PTPRD: variants seen among roughly 807,000 people sequenced by gnomAD.
PTPRD encodes protein tyrosine phosphatase receptor type D.
Under a neutral mutation model 214.5 loss-of-function variants are expected in PTPRD, and 34 were observed. The ratio of observed to expected loss-of-function variants is 0.16; its 90% CI spans 0.12 to 0.21. PTPRD has a LOEUF of 0.21. Ranked by LOEUF, PTPRD falls within the 10% of genes least tolerant of loss-of-function variation. The pLI is 1.00. For synonymous variants in PTPRD, 1,128 were observed against 845.7 expected (o/e 1.33, Z -5.79); for missense variants, 2,545 against 2,398.7 (o/e 1.06, Z -1.27).
At chr9:8,659,979 A>G (rs1218818527) in intron 12 of PTPRD, among the ~76,000 whole-genome samples, 5 of 152,244 alleles carry the variant, frequency 3.3e-5, no homozygotes, top group African/African-American at 7.2e-5. Context: ...TACCTATTAT[A>G]AGAAAAAGAA....
chr9:8,830,053 G>C (rs900082219), intron 11 of PTPRD, among the ~76,000 whole-genome samples: 2 of 152,136 alleles, frequency 1.3e-5, no homozygotes, highest in African/African-American at 4.8e-5. Flanking sequence ...AGTCTTTACT[G>C]TGTTGGAATC....
At chr9:9,720,686 T>C (rs1160732026) in intron 7 of PTPRD, among the ~76,000 whole-genome samples, 2 of 152,032 alleles carry the variant, frequency 1.3e-5, no homozygotes, top group African/African-American at 2.4e-5. Flanking sequence ...TAAACATACA[T>C]ACACAGGAGT....
chr9:8,559,629 C>T (rs576249718), intron 14 of PTPRD, among the ~76,000 whole-genome samples: 24 of 152,188 alleles, frequency 1.6e-4, no homozygotes, highest in Non-Finnish European at 3.1e-4. Context: ...CACACAGAAC[C>T]ATGCTGGCAA....
intron 5 of PTPRD, among the ~76,000 whole-genome samples, chr9:9,818,583 T>C (rs1334799346): frequency 1.3e-5 from 2 of 152,070 alleles, no homozygotes; most frequent in Non-Finnish European, 1.5e-5. Flanking sequence ...ATTGTGATTG[T>C]GATTGCCATT....
intron 2 of PTPRD, among the ~76,000 whole-genome samples, chr9:10,570,806 T>C (rs2067180729): frequency 6.6e-6 from 1 of 152,084 alleles, no homozygotes; most frequent in African/African-American, 2.4e-5. Flanking sequence ...AGGCTTCAAG[T>C]GCTCTATTGG....
intron 17 of PTPRD, among the ~76,000 whole-genome samples, chr9:8,526,318 A>C (rs987900852): frequency 6.6e-6 from 1 of 151,902 alleles, no homozygotes; most frequent in Non-Finnish European, 1.5e-5. Context: ...AAGGAAAAAA[A>C]AAGAGGGACA....
intron 7 of PTPRD, among the ~76,000 whole-genome samples, chr9:9,712,227 GACTGAGAAAGAAAATAATA>G (rs2097750770): frequency 6.6e-6 from 1 of 151,922 alleles, no homozygotes; most frequent in African/African-American, 2.4e-5. Flanking sequence ...TAGCCATCTG[GACTGAGAAAGAAAATAATA>G]ACATTTCTCA....
At chr9:10,108,318 G>A (rs973662131) in intron 3 of PTPRD, among the ~76,000 whole-genome samples, 3 of 151,970 alleles carry the variant, frequency 2.0e-5, no homozygotes, top group South Asian at 2.1e-4. Context: ...TTTTTGTAGC[G>A]AGAACACTTT....
chr9:8,680,020 G>T (rs1228514788), intron 12 of PTPRD, among the ~76,000 whole-genome samples: 1 of 151,978 alleles, frequency 6.6e-6, no homozygotes, highest in Admixed American at 6.6e-5. Context: ...ACAGTAACAA[G>T]GAGATTAAAT....
At chr9:9,009,957 G>C (rs1247667685) in intron 11 of PTPRD, among the ~76,000 whole-genome samples, 1 of 152,032 alleles carries the variant, frequency 6.6e-6, no homozygotes, top group African/African-American at 2.4e-5. Context: ...TTTTTGCTCC[G>C]TACAGTTCTC....
intron 11 of PTPRD, among the ~76,000 whole-genome samples, chr9:8,960,046 T>A (rs2099150848): frequency 6.6e-6 from 1 of 152,040 alleles, no homozygotes; most frequent in Non-Finnish European, 1.5e-5. Flanking sequence ...TATTGTAGGG[T>A]TAAAGGCATG....
chr9:8,991,088 G>A, intron 11 of PTPRD, among the ~76,000 whole-genome samples: 1 of 151,670 alleles, frequency 6.6e-6, no homozygotes, highest in Admixed American at 6.6e-5. Context: ...GCATGTTGGT[G>A]CATGCCTGTA....
intron 10 of PTPRD, among the ~76,000 whole-genome samples, chr9:9,121,027 C>T (rs774415121): frequency 1.3e-5 from 2 of 152,130 alleles, no homozygotes; most frequent in Middle Eastern, 3.4e-3. Context: ...CTGCTTTTAG[C>T]GGTGAGGAAA....
chr9:8,327,628 C>T (rs950423689), intron 44 of PTPRD, among the ~76,000 whole-genome samples: 1 of 152,112 alleles, frequency 6.6e-6, no homozygotes, highest in African/African-American at 2.4e-5. Context: ...CTAATATTGA[C>T]AGTGGGGTGT....
intron 7 of PTPRD, among the ~76,000 whole-genome samples, chr9:9,713,299 A>G (rs12339307): frequency 0.36 from 54,939 of 151,940 alleles, 10,677 homozygotes; most frequent in African/African-American, 0.49. Context: ...AGACCAAGAA[A>G]ATTAGAATGG....
At chr9:8,661,128 C>T (rs1039961202) in intron 12 of PTPRD, among the ~76,000 whole-genome samples, 1 of 151,984 alleles carries the variant, frequency 6.6e-6, no homozygotes, top group African/African-American at 2.4e-5. Context: ...ATACCCTGCT[C>T]TTTTTCATAT....
intron 8 of PTPRD, among the ~76,000 whole-genome samples, chr9:9,559,398 C>G (rs2082331165): frequency 6.6e-6 from 1 of 152,240 alleles, no homozygotes; most frequent in South Asian, 2.1e-4. Context: ...GGACTAAAAG[C>G]CTACTGGCAC....
intron 8 of PTPRD, among the ~76,000 whole-genome samples, chr9:9,443,741 C>T (rs909348196): frequency 2.0e-5 from 3 of 152,124 alleles, no homozygotes; most frequent in Non-Finnish European, 4.4e-5. Context: ...CTCCAGTTCC[C>T]AACTGATCTA....
rs576096075 is a variant in PTPRD, at chr9:9,555,134, T to C, written c.-237+19598A>G. On this transcript the variant is annotated intron_variant, in intron 8 of 45. Coordinates refer to ENST00000381196, the MANE Select transcript of PTPRD (RefSeq NM_002839.4). ...TTTGAGCATGGACTTTAGAAGACTGTGTTTGTAATACTGCCAACATGTATG... is the reference window on the plus strand; with the variant it reads ...TTTGAGCATGGACTTTAGAAGACTGCGTTTGTAATACTGCCAACATGTATG... 2.0e-5 allele frequency among the ~76,000 whole-genome samples: 3 copies of C among 152,214 alleles called. No individual in the cohort carries two copies. In the South Asian group the frequency reaches 6.2e-4, roughly 32 times the overall value.
Sources: gnomAD v4.1 joint callset for allele counts (sites outside exome capture counted in the v4.1 genomes callset) on GRCh38, gnomAD v4.1.1 for gene constraint, MANE v1.5 for transcripts, NCBI Gene and HGNC (gene_info 2026-07-23, HGNC 2026-07-21) for gene names.